The following CHLSN variants were observed in gnomAD, a reference collection of about 807,000 sequenced individuals.
CHLSN encodes the protein protein cholesin.
chr7:1,075,509 G>C, the CHLSN span, among the ~76,000 whole-genome samples: 582 of 150,872 alleles, frequency 3.9e-3, 6 homozygotes, highest in Non-Finnish European at 5.1e-3. Context: ...GGGTGACACA[G>C]CTAGATTCTG....
the CHLSN span, among the ~76,000 whole-genome samples, chr7:1,019,482 C>T: frequency 7.2e-5 from 11 of 152,238 alleles, no homozygotes; most frequent in African/African-American, 2.7e-4. Flanking sequence ...GGCCTGGCTG[C>T]TCACAGCTCC....
chr7:983,948 C>T, the CHLSN span, among the ~76,000 whole-genome samples: 4 of 152,192 alleles, frequency 2.6e-5, no homozygotes, highest in Non-Finnish European at 5.9e-5. Flanking sequence ...ACAGGGCTGA[C>T]CAGTCAGGCC....
the CHLSN span, among the ~76,000 whole-genome samples, chr7:1,060,032 C>CTTAGTGAGG: frequency 3.7e-5 from 2 of 54,028 alleles, no homozygotes; most frequent in Non-Finnish European, 7.5e-5. Context: ...TGAAGCGGGT[C>CTTAGTGAGG]CGTAGTGAGG....
At chr7:1,017,722 G>A in the CHLSN span, among the ~76,000 whole-genome samples, 2 of 151,786 alleles carry the variant, frequency 1.3e-5, no homozygotes, top group African/African-American at 4.9e-5. Context: ...GGGCAGCCGC[G>A]GACGGCGGGA....
the CHLSN span, among the ~76,000 whole-genome samples, chr7:1,094,749 G>A: frequency 3.3e-5 from 5 of 152,114 alleles, no homozygotes; most frequent in African/African-American, 7.2e-5. Context: ...CTCTCCTCCC[G>A]TCTGTGGGAC....
At chr7:995,851 C>T in the CHLSN span, among the ~76,000 whole-genome samples, 1,223 of 152,360 alleles carry the variant, frequency 8.0e-3, 12 homozygotes, top group African/African-American at 0.028. Flanking sequence ...CGTGGGTGGT[C>T]AGAATTTTGG....
the CHLSN span, among the ~76,000 whole-genome samples, chr7:1,098,673 G>A: frequency 5.9e-3 from 752 of 126,622 alleles, 5 homozygotes; most frequent in South Asian, 0.012. Context: ...TGCCACGCTC[G>A]GTGAGATAAA....
chr7:1,044,569 G>C, the CHLSN span: 1 of 150,692 alleles, frequency 6.6e-6, no homozygotes, highest in South Asian at 2.1e-4. Flanking sequence ...CACAGGGCCC[G>C]GGCGGCGTGC....
chr7:1,024,157 G>A, the CHLSN span, among the ~76,000 whole-genome samples: 1 of 152,206 alleles, frequency 6.6e-6, no homozygotes, highest in African/African-American at 2.4e-5. Context: ...CAGCCTCAAA[G>A]TGCTGGGATT....
chr7:1,092,788 G>A, the CHLSN span: 4 of 1,613,480 alleles, frequency 2.5e-6, no homozygotes, highest in Admixed American at 1.7e-5. Flanking sequence ...CTTCTGTCAC[G>A]CTGCCCTGAA....
chr7:983,521 G>A, the CHLSN span: 9 of 857,306 alleles, frequency 1.0e-5, no homozygotes, highest in Admixed American at 3.8e-5. Flanking sequence ...GCAGGAGGCC[G>A]GAGGGCCCAC....
chr7:1,022,933 G>A, the CHLSN span: 21 of 457,242 alleles, frequency 4.6e-5, no homozygotes, highest in Admixed American at 1.1e-4. Flanking sequence ...CATGGTCCCG[G>A]CGCAGACACT....
the CHLSN span, among the ~76,000 whole-genome samples, chr7:1,120,446 C>A: frequency 1.3e-5 from 2 of 152,152 alleles, no homozygotes; most frequent in African/African-American, 2.4e-5. Flanking sequence ...TGCACGCCAC[C>A]ATGCCTGGCC....
At chr7:1,015,212 G>A in the CHLSN span, among the ~76,000 whole-genome samples, 2 of 152,162 alleles carry the variant, frequency 1.3e-5, no homozygotes, top group East Asian at 1.9e-4. Context: ...GGGGCTGAGG[G>A]GTGAGGAAAG....
chr7:1,043,026 C>CGGAT, the CHLSN span, among the ~76,000 whole-genome samples: 88 of 150,748 alleles, frequency 5.8e-4, no homozygotes, highest in African/African-American at 1.9e-3. Flanking sequence ...CCCAGGCAGG[C>CGGAT]GGATCACTTG....
chr7:1,070,616 A>G, the CHLSN span, among the ~76,000 whole-genome samples: 1 of 145,340 alleles, frequency 6.9e-6, no homozygotes, highest in African/African-American at 2.6e-5. Context: ...ACATGCATGC[A>G]CACACGCACA....
the CHLSN span, among the ~76,000 whole-genome samples, chr7:1,072,767 T>C: frequency 7.5e-6 from 1 of 133,552 alleles, no homozygotes; most frequent in Admixed American, 8.3e-5. Context: ...CACTGCAACC[T>C]CCGCCCCCTG....
the CHLSN span, among the ~76,000 whole-genome samples, chr7:990,384 G>A: frequency 6.6e-5 from 10 of 151,752 alleles, no homozygotes; most frequent in Admixed American, 5.2e-4. Flanking sequence ...GCGTGTGCTG[G>A]GGGCGGTGTG....
At chr7:1,100,752 A>T in the CHLSN span, among the ~76,000 whole-genome samples, 1 of 151,656 alleles carries the variant, frequency 6.6e-6, no homozygotes, top group South Asian at 2.1e-4. Flanking sequence ...CCCGGCCTCC[A>T]CAGGGGCTTC....
Sources: allele counts gnomAD v4.1 joint callset (sites outside exome capture counted in the v4.1 genomes callset), GRCh38; gene constraint gnomAD v4.1.1; transcripts MANE v1.5; gene names NCBI Gene and HGNC (gene_info 2026-07-23, HGNC 2026-07-21).